The following GATA6 variants were observed in gnomAD, a reference collection of about 807,000 sequenced individuals.
GATA6 encodes transcription factor GATA-6.
Under a neutral mutation model 48.1 loss-of-function variants are expected in GATA6, and 11 were observed. The observed-to-expected ratio is 0.23, with a 90% confidence interval of 0.14 to 0.38. GATA6 has a LOEUF of 0.38. GATA6 is among the 10% of genes least tolerant of loss of function. The pLI is 1.00. For synonymous variants in GATA6, 419 were observed against 396.1 expected (o/e 1.06, Z -0.69); for missense variants, 795 against 850.3 (o/e 0.93, Z 0.81).
chr18:22,200,275 A>T (rs1258352474), intron 6 of GATA6, among the ~76,000 whole-genome samples: 1 of 152,142 alleles, frequency 6.6e-6, no homozygotes, highest in East Asian at 1.9e-4. Context: ...ATTAATGCCT[A>T]TTCACCCACA....
chr18:22,196,454 TGAGTCACCA>T (rs754027379), intron 6 of GATA6, among the ~76,000 whole-genome samples: 5 of 152,176 alleles, frequency 3.3e-5, no homozygotes, highest in Non-Finnish European at 5.9e-5. Flanking sequence ...AAAGAGTCAG[TGAGTCACCA>T]GGTGTGGTAG....
rs1025940798 is a variant in GATA6 at position 22,172,870 on chromosome 18, A to C, written c.1135+591A>C. ...AGCTAGTTGGCGTCTCCTCTCCCAC[A>C]AGGGAGAGAGGGAAAGAAGAGAGGG... On this transcript the variant is annotated intron_variant, in intron 2 of 6. Transcript: ENST00000269216. The surrounding 1 kb of genome is among the most constrained non-coding windows in gnomAD (Gnocchi z 5.2). Among the ~76,000 whole-genome samples the C allele has an allele frequency of 6.6e-6, 1 of 152,132 alleles. No homozygotes were observed. Among genetic ancestry groups the C allele is most frequent in the African/African-American group, 2.4e-5 (1 of 41,420 alleles).
intron 6 of GATA6, among the ~76,000 whole-genome samples, chr18:22,196,117 T>C (rs2033385940): frequency 6.6e-6 from 1 of 152,230 alleles, no homozygotes; most frequent in African/African-American, 2.4e-5. Flanking sequence ...CAGCCTTTCT[T>C]TGCAGTATTT....
At chr18:22,191,480 G>T in intron 6 of GATA6, among the ~76,000 whole-genome samples, 1 of 151,414 alleles carries the variant, frequency 6.6e-6, no homozygotes, top group East Asian at 2.0e-4. Context: ...AAAGGTTATT[G>T]CTAAATGAAT....
intron 6 of GATA6, among the ~76,000 whole-genome samples, chr18:22,194,150 A>G (rs1018784618): frequency 1.3e-5 from 2 of 152,108 alleles, no homozygotes; most frequent in African/African-American, 2.4e-5. Context: ...CCATGTCCCA[A>G]TCTGTAGCAG....
In GATA6 at chr18:22,171,536, G is replaced by T; in HGVS notation, c.392G>T (p.Ser131Ile). Residue 131 changes from serine to isoleucine, a missense_variant, in exon 2 of 7, where the codon AGC becomes ATC. Physicochemically the swap from Ser to Ile is moderately radical, Grantham distance 142. Coordinates refer to ENST00000269216, the MANE Select transcript of GATA6 (RefSeq NM_005257.6). This position sits in a 1 kb window ranked among gnomAD's most constrained non-coding sequence, Gnocchi z 7.1. Reference protein sequence around the residue: ...AATASKLLWSSRGAKLSPFAP... With the variant: ...AATASKLLWSIRGAKLSPFAP... ...ACCGCCAGCAAGCTGCTGTGGTCCA[G>T]CCGCGGCGCCAAGCTGAGCCCCTTC... 6.2e-7 allele frequency: 1 copy of T among 1,604,004 alleles called. No individual in the cohort carries two copies. Among genetic ancestry groups the T allele is most frequent in the Non-Finnish European group, 8.5e-7 (1 of 1,179,646 alleles).
intron 6 of GATA6, among the ~76,000 whole-genome samples, chr18:22,187,185 T>C (rs1316245698): frequency 1.3e-5 from 2 of 152,222 alleles, no homozygotes; most frequent in East Asian, 1.9e-4. Flanking sequence ...TAAATAGATA[T>C]CAGTTTTTCT....
chr18:22,199,636 C>T (rs996411939), intron 6 of GATA6, among the ~76,000 whole-genome samples: 2 of 152,214 alleles, frequency 1.3e-5, no homozygotes, highest in Non-Finnish European at 2.9e-5. Flanking sequence ...GGCACAGTGG[C>T]TCACGCCTGT....
rs1013086138 is a variant in GATA6 at position 22,202,060 on chromosome 18, G to T, written c.*1237G>T. 2 of 152,162 alleles carry T rather than the reference G, an allele frequency of 1.3e-5. No individual in the cohort carries two copies. The highest frequency in any genetic ancestry group is 2.9e-5 in the Non-Finnish European group (2 of 68,038). The allele number at this position is 152,162 out of a possible 1,614,324, so 9.4% of individuals were successfully genotyped here. On this transcript the variant is annotated 3_prime_UTR_variant, in exon 7 of 7. Coordinates refer to ENST00000269216, the MANE Select transcript of GATA6 (RefSeq NM_005257.6). The stretch of plus-strand genomic sequence containing the variant: ...AGATATTCATATAAAACAAGTGCAC[G>T]TGAAGTTTGCAAAATGCTTTAAGGC...
chr18:22,172,386 C>A lies in GATA6; in HGVS notation c.1135+107C>A. 2 of 1,457,290 alleles carry A rather than the reference C, an allele frequency of 1.4e-6. No individual in the cohort carries two copies. The highest frequency in any genetic ancestry group is 1.4e-5 in the South Asian group (1 of 73,090). The allele number at this position is 1,457,290 out of a possible 1,614,324, so 90.3% of individuals were successfully genotyped here. A position where few individuals can be genotyped will look rare whatever the true frequency, so the allele number is the denominator to read the frequency against. On this transcript the variant is annotated intron_variant, in intron 2 of 6. Coordinates refer to ENST00000269216, the MANE Select transcript of GATA6 (RefSeq NM_005257.6). This position sits in a 1 kb window ranked among gnomAD's most constrained non-coding sequence, Gnocchi z 5.2. ...GCCCTGTTTTCAGGACTTTCTCGTC[C>A]GGGTGCGCGGAGGTCGGCCTGGTCC...
chr18:22,182,076 G>T (rs2033203933), intron 4 of GATA6, among the ~76,000 whole-genome samples: 1 of 152,140 alleles, frequency 6.6e-6, no homozygotes, highest in Non-Finnish European at 1.5e-5. Flanking sequence ...TTAAAGGATT[G>T]CACAAAATAT....
Position 22,172,419 on chromosome 18 carries a change from G to A in GATA6, c.1135+140G>A. 1 of 1,412,648 alleles carries A rather than the reference G, an allele frequency of 7.1e-7. No homozygotes were observed. The highest frequency in any genetic ancestry group is 9.3e-7 in the Non-Finnish European group (1 of 1,073,354). The allele number at this position is 1,412,648 out of a possible 1,614,324, so 87.5% of individuals were successfully genotyped here. A position where few individuals can be genotyped will look rare whatever the true frequency, so the allele number is the denominator to read the frequency against. On this transcript the variant is annotated intron_variant, in intron 2 of 6. Transcript: ENST00000269216. The surrounding 1 kb of genome is among the most constrained non-coding windows in gnomAD (Gnocchi z 5.2). ...CGGAGGTCGGCCTGGTCCCAGGAAG[G>A]ATTTGCAGGCCTGTGGCTGGGTAAC...
intron 3 of GATA6, among the ~76,000 whole-genome samples, chr18:22,177,952 G>GTTTTTTTT (rs775374335): frequency 0.011 from 870 of 80,440 alleles, 19 homozygotes; most frequent in Non-Finnish European, 0.017. Context: ...CTGTTTTTTT[G>GTTTTTTTT]TTTTTTTTTT....
chr18:22,188,329 C>T (rs902897929), intron 6 of GATA6, among the ~76,000 whole-genome samples: 1 of 151,946 alleles, frequency 6.6e-6, no homozygotes, highest in African/African-American at 2.4e-5. Flanking sequence ...GATCTTACTA[C>T]TGGTCAGATT....
intron 6 of GATA6, among the ~76,000 whole-genome samples, chr18:22,199,503 G>T (rs537691248): frequency 6.6e-6 from 1 of 152,304 alleles, no homozygotes; most frequent in South Asian, 2.1e-4. Flanking sequence ...ACAGATTTTA[G>T]TTATTTTGGT....
At position 22,172,955 on chromosome 18, in the gene GATA6, G is replaced by C. The variant is rs964509836; in HGVS notation, c.1135+676G>C. On this transcript the variant is annotated intron_variant, in intron 2 of 6. Transcript: ENST00000269216. This position sits in a 1 kb window ranked among gnomAD's most constrained non-coding sequence, Gnocchi z 5.2. Reference sequence around the variant, plus strand: ...AAGGAGAGCTGGTGGATAGGCCCTTGGGCTTGGCATCAGCTGGGCCTTGGT... The same window carrying C: ...AAGGAGAGCTGGTGGATAGGCCCTTCGGCTTGGCATCAGCTGGGCCTTGGT... 2.0e-5 allele frequency among the ~76,000 whole-genome samples: 3 copies of C among 152,218 alleles called. No individual in the cohort carries two copies. Among genetic ancestry groups the C allele is most frequent in the Non-Finnish European group, 4.4e-5 (3 of 68,036 alleles).
chr18:22,198,322 C>G (rs912249587), intron 6 of GATA6, among the ~76,000 whole-genome samples: 2 of 152,150 alleles, frequency 1.3e-5, no homozygotes, highest in Non-Finnish European at 2.9e-5. Flanking sequence ...CCTCCCTCCT[C>G]GGCTTCCCAA....
At chr18:22,195,381 G>A (rs1365580111) in intron 6 of GATA6, among the ~76,000 whole-genome samples, 2 of 152,242 alleles carry the variant, frequency 1.3e-5, no homozygotes, top group Non-Finnish European at 2.9e-5. Flanking sequence ...GCCACTTTCT[G>A]ATCCCATGAA....
rs2033470709 is a variant in GATA6, at chr18:22,202,115, C to G, written c.*1292C>G. ...CTTTCAAAGCATAGTCCTTTTGGAGCCGTTTTGTACCTTTTATACCTTGGC... is the reference window on the plus strand; with the variant it reads ...CTTTCAAAGCATAGTCCTTTTGGAGGCGTTTTGTACCTTTTATACCTTGGC... On this transcript the variant is annotated 3_prime_UTR_variant, in exon 7 of 7. Transcript: ENST00000269216. The G allele has an allele frequency of 6.6e-6, 1 of 152,088 alleles. No homozygotes were observed. Among genetic ancestry groups the G allele is most frequent in the Non-Finnish European group, 1.5e-5 (1 of 68,024 alleles). The allele number at this position is 152,088 out of a possible 1,614,324, so 9.4% of individuals were successfully genotyped here.
Sources: allele counts gnomAD v4.1 joint callset (sites outside exome capture counted in the v4.1 genomes callset), GRCh38; gene constraint gnomAD v4.1.1; non-coding constraint Gnocchi (gnomAD v3.1); transcripts MANE v1.5; gene names NCBI Gene and HGNC (gene_info 2026-07-23, HGNC 2026-07-21).